The following FRMD4A variants were observed in gnomAD, a reference collection of about 807,000 sequenced individuals.
The protein encoded by FRMD4A is FERM domain-containing protein 4A.
A neutral mutation model predicts 129.1 loss-of-function variants in FRMD4A; 29 were observed. That is an observed-to-expected ratio of 0.22 (90% CI 0.17 to 0.31). The LOEUF (loss-of-function observed/expected upper bound fraction) is 0.31. Ranked by LOEUF, FRMD4A falls within the 10% of genes least tolerant of loss-of-function variation. The pLI is 1.00. For synonymous variants in FRMD4A, 634 were observed against 571.6 expected (o/e 1.11, Z -1.56); for missense variants, 1,272 against 1,375.8 (o/e 0.92, Z 1.19).
intron 2 of FRMD4A, among the ~76,000 whole-genome samples, chr10:13,987,897 G>A (rs1197302738): frequency 6.6e-6 from 1 of 152,220 alleles, no homozygotes; most frequent in African/African-American, 2.4e-5. Flanking sequence ...GGTCACAGCT[G>A]TAAAGGAAGA....
At chr10:13,811,498 C>A (rs552663597) in intron 3 of FRMD4A, among the ~76,000 whole-genome samples, 4 of 149,726 alleles carry the variant, frequency 2.7e-5, no homozygotes, top group Admixed American at 2.0e-4. Flanking sequence ...CTTGAAACTG[C>A]AAGGCAGAGG....
chr10:14,079,214 T>C (rs1315082392), intron 2 of FRMD4A, among the ~76,000 whole-genome samples: 2 of 152,162 alleles, frequency 1.3e-5, no homozygotes, highest in African/African-American at 4.8e-5. Context: ...GGAGTTTACA[T>C]ACGGAGGTGG....
intron 8 of FRMD4A, among the ~76,000 whole-genome samples, chr10:13,757,097 G>T (rs1054348376): frequency 7.9e-5 from 12 of 152,180 alleles, no homozygotes; most frequent in African/African-American, 2.9e-4. Context: ...TAGTTAGTTG[G>T]CCAATGGTCA....
intron 2 of FRMD4A, among the ~76,000 whole-genome samples, chr10:14,219,175 C>G (rs977394274): frequency 3.8e-4 from 58 of 151,898 alleles, no homozygotes; most frequent in African/African-American, 1.4e-3. Context: ...ATCTCAAAAG[C>G]CAGTGTTTCC....
At chr10:14,206,090 G>C (rs940033993) in intron 2 of FRMD4A, among the ~76,000 whole-genome samples, 2 of 152,174 alleles carry the variant, frequency 1.3e-5, no homozygotes, top group African/African-American at 4.8e-5. Context: ...CTCACTGTGT[G>C]ATGGACAGTG....
At chr10:13,654,612 G>C (rs2081980856) in intron 22 of FRMD4A, 100 bp from the exon 23 acceptor site, 1 of 723,070 alleles carries the variant, frequency 1.4e-6, no homozygotes, top group Non-Finnish European at 2.4e-6. Context: ...AGTGGCCAGA[G>C]GTCACCATTT....
rs773207530 is a variant in FRMD4A, at chr10:13,657,331, T to A, written c.2258A>T (p.His753Leu). ...PMDDCSSCTS[H>L]SSSEHYYPAQ... ...CGGGTAGTAGTGCTCCGAGCTCGAG[T>A]GGCTGGTGCACGACGAGCAGTCGTC... Residue 753 changes from histidine to leucine, a missense_variant, in exon 22 of 25, where the codon CAC becomes CTC. His to Leu is a moderately conservative substitution (Grantham distance 99). Coordinates refer to ENST00000357447, the MANE Select transcript of FRMD4A (RefSeq NM_018027.5). 1.9e-6 allele frequency: 3 copies of A among 1,610,070 alleles called. No homozygotes were observed. Among genetic ancestry groups the A allele is most frequent in the Non-Finnish European group, 2.5e-6 (3 of 1,179,292 alleles).
chr10:14,300,764 A>G (rs1273958128), intron 2 of FRMD4A, among the ~76,000 whole-genome samples: 1 of 152,238 alleles, frequency 6.6e-6, no homozygotes, highest in Non-Finnish European at 1.5e-5. Context: ...AGGAAAGTGT[A>G]AGAAACTAAG....
intron 2 of FRMD4A, among the ~76,000 whole-genome samples, chr10:13,976,113 C>T (rs2095541379): frequency 6.6e-6 from 1 of 152,144 alleles, no homozygotes. Context: ...TGTCTCACTC[C>T]TCCTTCCATG....
chr10:13,696,153 A>G (rs565316607), intron 14 of FRMD4A, among the ~76,000 whole-genome samples: 1 of 152,294 alleles, frequency 6.6e-6, no homozygotes, highest in Admixed American at 6.5e-5. Flanking sequence ...CTTGTTCATA[A>G]AACAATCCTG....
intron 2 of FRMD4A, among the ~76,000 whole-genome samples, chr10:14,023,964 G>A (rs2131649523): frequency 6.6e-6 from 1 of 152,138 alleles, no homozygotes; most frequent in African/African-American, 2.4e-5. Context: ...AGCATTTTGA[G>A]CACCCTCCCC....
chr10:14,140,338 CAG>C (rs1458641035), intron 2 of FRMD4A, among the ~76,000 whole-genome samples: 1 of 152,198 alleles, frequency 6.6e-6, no homozygotes, highest in Non-Finnish European at 1.5e-5. Flanking sequence ...GGTGGGATCA[CAG>C]ATGTGAGCCA....
chr10:13,705,560 G>A (rs1286918650), intron 13 of FRMD4A, among the ~76,000 whole-genome samples: 5 of 151,998 alleles, frequency 3.3e-5, no homozygotes, highest in African/African-American at 1.2e-4. Flanking sequence ...CACTCTTTCT[G>A]TACTTAAATT....
At chr10:14,194,043 C>T (rs1008960835) in intron 2 of FRMD4A, among the ~76,000 whole-genome samples, 2 of 152,186 alleles carry the variant, frequency 1.3e-5, no homozygotes, top group Non-Finnish European at 1.5e-5. Context: ...ACTAGCTATA[C>T]ATGTTGGCAA....
chr10:13,678,316 G>A (rs1288254467), intron 15 of FRMD4A, among the ~76,000 whole-genome samples: 4 of 152,172 alleles, frequency 2.6e-5, no homozygotes, highest in East Asian at 1.9e-4. Flanking sequence ...ACTTCAGGGC[G>A]AAGATGGTGT....
In FRMD4A at chr10:14,312,865, C is replaced by CA. The variant is rs200934802; in HGVS notation, c.45+17192dup. 5.6e-3 allele frequency among the ~76,000 whole-genome samples: 842 copies of CA among 151,290 alleles called. 19 individuals carry two copies. The East Asian group carries it at 0.061, about 11-fold the overall frequency. ...TGGGCAACAGAGTGAGACCCTGTCA[C>CA]AAAAAAAGAAAATAAATAAAAAAGA... On this transcript the variant is annotated intron_variant, in intron 2 of 24. Transcript: ENST00000357447.
At chr10:14,128,076 CTTTCTTTCTTTCTTTCTTTCTTTCTTTCT>C (rs1564320211) in intron 2 of FRMD4A, among the ~76,000 whole-genome samples, 10 of 105,784 alleles carry the variant, frequency 9.5e-5, no homozygotes, top group South Asian at 6.4e-4. Context: ...TTCTTTCTTT[CTTTCTTTCTTTCTTTCTTTCTTTCTTTCT>C]TTTCTTTTCT....
intron 2 of FRMD4A, among the ~76,000 whole-genome samples, chr10:13,987,714 G>A (rs1028664143): frequency 3.9e-5 from 6 of 152,086 alleles, no homozygotes; most frequent in Non-Finnish European, 8.8e-5. Flanking sequence ...GAAACTGCAG[G>A]GGACACACTT....
At chr10:13,926,426 C>T (rs1349312453) in intron 2 of FRMD4A, among the ~76,000 whole-genome samples, 1 of 152,080 alleles carries the variant, frequency 6.6e-6, no homozygotes, top group Non-Finnish European at 1.5e-5. Flanking sequence ...TGATTAGTGC[C>T]AAGCCAATAA....
Sources: gnomAD v4.1 joint callset for allele counts (sites outside exome capture counted in the v4.1 genomes callset) on GRCh38, gnomAD v4.1.1 for gene constraint, MANE v1.5 for transcripts, NCBI Gene and HGNC (gene_info 2026-07-23, HGNC 2026-07-21) for gene names.